GALNTL6: variants seen among roughly 807,000 people sequenced by gnomAD.
GALNTL6 encodes polypeptide N-acetylgalactosaminyltransferase-like 6.
In GALNTL6, 46 loss-of-function variants were observed where a neutral mutation model predicts 73.7. That is an observed-to-expected ratio of 0.62 (90% CI 0.49 to 0.80). The LOEUF (loss-of-function observed/expected upper bound fraction) is 0.80, where lower values mean the gene tolerates loss of function less well. GALNTL6 is among the 30% of genes least tolerant of loss of function. The pLI is 0.00. For missense variants in GALNTL6, 604 were observed against 755.0 expected (o/e 0.80, Z 2.34); for synonymous variants, 259 against 263.7 (o/e 0.98, Z 0.17).
At chr4:172,177,813 GT>G (rs1560955623) in intron 2 of GALNTL6, among the ~76,000 whole-genome samples, 5 of 121,038 alleles carry the variant, frequency 4.1e-5, no homozygotes, top group Non-Finnish European at 6.5e-5. Context: ...ACACATATAT[GT>G]GTGTGTATAT....
chr4:172,322,649 A>C (rs1235769351), intron 4 of GALNTL6, among the ~76,000 whole-genome samples: 1 of 152,054 alleles, frequency 6.6e-6, no homozygotes. Context: ...GTGAAGGTGG[A>C]GGGGCTACAC....
chr4:172,272,528 T>G (rs1738691830), intron 3 of GALNTL6, among the ~76,000 whole-genome samples: 2 of 152,158 alleles, frequency 1.3e-5, no homozygotes, highest in Admixed American at 1.3e-4. Flanking sequence ...TATAAACATG[T>G]CTAAACACAG....
At chr4:171,981,136 C>A (rs1739886224) in intron 2 of GALNTL6, among the ~76,000 whole-genome samples, 1 of 152,152 alleles carries the variant, frequency 6.6e-6, no homozygotes, top group Non-Finnish European at 1.5e-5. Context: ...CAGGGTACAA[C>A]TTGCTTTTAT....
At chr4:172,288,226 G>A (rs964088296) in intron 3 of GALNTL6, among the ~76,000 whole-genome samples, 7 of 151,950 alleles carry the variant, frequency 4.6e-5, no homozygotes, top group Non-Finnish European at 8.8e-5. Flanking sequence ...GAGTAGCTGG[G>A]ACTACAGGCG....
intron 2 of GALNTL6, among the ~76,000 whole-genome samples, chr4:172,111,142 A>G (rs1426422125): frequency 6.6e-6 from 1 of 152,134 alleles, no homozygotes; most frequent in Non-Finnish European, 1.5e-5. Flanking sequence ...GAAAATTTCC[A>G]AGTAAAATTA....
chr4:172,122,097 T>C (rs1185618366), intron 2 of GALNTL6, among the ~76,000 whole-genome samples: 1 of 151,230 alleles, frequency 6.6e-6, no homozygotes, highest in Non-Finnish European at 1.5e-5. Flanking sequence ...ATAGATTACA[T>C]AGAGCAATTT....
chr4:172,744,291 G>A (rs920241336), intron 5 of GALNTL6, among the ~76,000 whole-genome samples: 4 of 152,048 alleles, frequency 2.6e-5, no homozygotes, highest in African/African-American at 9.7e-5. Context: ...CCAGTGACTG[G>A]ATATCAGTAA....
intron 5 of GALNTL6, among the ~76,000 whole-genome samples, chr4:172,371,211 C>T (rs185973502): frequency 1.6e-4 from 25 of 152,270 alleles, no homozygotes; most frequent in East Asian, 7.7e-4. Flanking sequence ...TTTTCCTAAT[C>T]GCCCAAAAGG....
intron 2 of GALNTL6, among the ~76,000 whole-genome samples, chr4:172,166,689 C>T (rs1734635275): frequency 6.6e-6 from 1 of 152,146 alleles, no homozygotes; most frequent in Non-Finnish European, 1.5e-5. Context: ...TGTTGATCTT[C>T]CTTAAAATCT....
chr4:172,485,685 G>T (rs759517292), intron 5 of GALNTL6, among the ~76,000 whole-genome samples: 3 of 152,036 alleles, frequency 2.0e-5, no homozygotes, highest in Non-Finnish European at 2.9e-5. Flanking sequence ...TTGACATTTG[G>T]AGTAAGATAT....
At chr4:172,310,109 A>C (rs1445179446) in intron 3 of GALNTL6, among the ~76,000 whole-genome samples, 1 of 152,184 alleles carries the variant, frequency 6.6e-6, no homozygotes, top group African/African-American at 2.4e-5. Flanking sequence ...TACAGTAAGA[A>C]ATGGCTTTGC....
intron 10 of GALNTL6, among the ~76,000 whole-genome samples, chr4:172,967,668 C>T (rs746696411): frequency 1.9e-4 from 29 of 152,084 alleles, no homozygotes; most frequent in Admixed American, 8.5e-4. Flanking sequence ...ACCACATTGA[C>T]ATAACTTCAT....
chr4:171,858,404 G>A (rs1735746248), intron 2 of GALNTL6, among the ~76,000 whole-genome samples: 1 of 150,188 alleles, frequency 6.7e-6, no homozygotes, highest in Non-Finnish European at 1.5e-5. Context: ...GAAATACTAG[G>A]ATCTCTCAGC....
intron 2 of GALNTL6, among the ~76,000 whole-genome samples, chr4:172,208,257 G>A (rs775496910): frequency 2.5e-4 from 38 of 152,060 alleles, no homozygotes; most frequent in East Asian, 1.2e-3. Flanking sequence ...ATTATTTTTT[G>A]TCTTTTCATT....
chr4:172,248,313 T>G (rs996786850), intron 3 of GALNTL6, among the ~76,000 whole-genome samples: 13 of 152,194 alleles, frequency 8.5e-5, no homozygotes, highest in African/African-American at 3.1e-4. Context: ...GCTTTGTAGA[T>G]GCACAGCAAG....
chr4:172,347,361 A>G (rs1162639367), intron 4 of GALNTL6, among the ~76,000 whole-genome samples: 1 of 152,164 alleles, frequency 6.6e-6, no homozygotes, highest in Non-Finnish European at 1.5e-5. Context: ...AATATGTACA[A>G]TAGCTTGTCC....
intron 2 of GALNTL6, among the ~76,000 whole-genome samples, chr4:172,083,421 G>A (rs1731939880): frequency 6.6e-6 from 1 of 152,146 alleles, no homozygotes; most frequent in South Asian, 2.1e-4. Flanking sequence ...AGGTCCTCAA[G>A]GATTGCTGAT....
chr4:172,066,304 T>C (rs1454857571), intron 2 of GALNTL6, among the ~76,000 whole-genome samples: 2 of 152,178 alleles, frequency 1.3e-5, no homozygotes, highest in East Asian at 3.9e-4. Context: ...ACTATCTCCA[T>C]AGTTTTGCTT....
At chr4:171,821,216 T>A (rs970105313) in intron 2 of GALNTL6, among the ~76,000 whole-genome samples, 8 of 152,022 alleles carry the variant, frequency 5.3e-5, no homozygotes, top group African/African-American at 1.9e-4. Flanking sequence ...TTTAAAAAAT[T>A]TTTTTTGTAG....
Sources: allele counts gnomAD v4.1 joint callset (sites outside exome capture counted in the v4.1 genomes callset), GRCh38; gene constraint gnomAD v4.1.1; transcripts MANE v1.5; gene names NCBI Gene and HGNC (gene_info 2026-07-23, HGNC 2026-07-21).